Variants in IL11RA observed in about 807,000 individuals in gnomAD.
The protein encoded by IL11RA is interleukin 11 receptor subunit alpha.
In IL11RA, 51 loss-of-function variants were observed where a neutral mutation model predicts 57.0. That is an observed-to-expected ratio of 0.89 (90% CI 0.71 to 1.13). IL11RA has a LOEUF of 1.13. IL11RA is among the 50% of genes most tolerant of loss of function. IL11RA has a pLI of 0.00. For synonymous variants in IL11RA, 199 were observed against 217.5 expected, an observed-to-expected ratio of 0.91 and a Z score of 0.75; for missense variants, 498 against 539.4, an observed-to-expected ratio of 0.92 and a Z score of 0.76.
chr9:34,654,988 T>G (rs1821314625), intron 1 of IL11RA: 1 of 504,822 alleles, frequency 2.0e-6, no homozygotes, highest in Non-Finnish European at 3.6e-6. Flanking sequence ...AGGGGGTGTG[T>G]GTGTCCGTGT....
rs1385735286 is a variant in IL11RA, at chr9:34,658,549, G to C, written c.676G>C (p.Val226Leu). 1.2e-6 allele frequency: 2 copies of C among 1,614,158 alleles called. No individual in the cohort carries two copies. Among genetic ancestry groups the C allele is most frequent in the African/African-American group, 1.3e-5 (1 of 75,036 alleles). ...CCCTGACCCACCCCAGGGCCTGCGG[G>C]TAGAGTCAGTACCAGGTTACCCCCG... ...LRPDPPQGLR[V>L]ESVPGYPRRL... The change falls in exon 8 of 13, where the codon GTA becomes CTA. Residue 226 changes from valine to leucine, a missense_variant. Transcript: ENST00000441545. The surrounding 1 kb of genome is among the most constrained non-coding windows in gnomAD (Gnocchi z 4.0).
chr9:34,660,507 A>T lies in IL11RA; in HGVS notation c.1076A>T (p.His359Leu). 6.2e-7 allele frequency: 1 copy of T among 1,614,054 alleles called. No individual in the cohort carries two copies. The highest frequency in any genetic ancestry group is 1.3e-5 in the African/African-American group (1 of 75,054). ...GACATGTGGCCCTCCCCCTCAGATC[A>T]CAGGGACTCTGTGGAGCAGGTAGCT... ...SLQPHPRLLD[H>L]RDSVEQVAVL... Residue 359 changes from histidine (H) to leucine (L), a missense_variant, in exon 11 of 13, where the codon CAC (histidine) becomes CTC (leucine). Transcript: ENST00000441545.
intron 3 of IL11RA, 76 bp downstream of exon 3, chr9:34,655,741 CT>C: frequency 8.1e-7 from 1 of 1,236,362 alleles, no homozygotes; most frequent in Non-Finnish European, 1.2e-6. Flanking sequence ...TGTCCCGCCC[CT>C]CCCATCCTTG....
chr9:34,655,714 ACT>A, intron 3 of IL11RA, 49 bp downstream of exon 3: 1 of 1,543,178 alleles, frequency 6.5e-7, no homozygotes, highest in Non-Finnish European at 9.0e-7. Context: ...CCCTTTCTTG[ACT>A]CTGCCTAGTC....
intron 1 of IL11RA, chr9:34,654,984 TGTGTGTGTCC>T: frequency 4.1e-6 from 2 of 489,504 alleles, no homozygotes; most frequent in South Asian, 2.1e-5. Flanking sequence ...TGTGAGGGGG[TGTGTGTGTCC>T]GTGTGTGTGT....
chr9:34,657,140 C>T lies in IL11RA; in HGVS notation c.437C>T (p.Thr146Ile). The change falls in exon 5 of 13, where the codon ACC becomes ATC. Residue 146 changes from threonine to isoleucine, a missense_variant. Physicochemically the swap from Thr to Ile is moderately conservative, Grantham distance 89 (BLOSUM62 -1). Coordinates refer to ENST00000441545, the MANE Select transcript of IL11RA (RefSeq NM_001142784.3). The part of the protein sequence containing the change: ...QISGLPTRYL[T>I]SYRKKTVLGA... Reference sequence around the variant, plus strand: ...AGCGGTTTACCCACCCGCTACCTCACCTCCTACAGGTGTGTGTGTGATTGG... The same window carrying T: ...AGCGGTTTACCCACCCGCTACCTCATCTCCTACAGGTGTGTGTGTGATTGG... 4.3e-6 allele frequency: 7 copies of T among 1,613,636 alleles called. 1 individual carries two copies. The South Asian group carries it at 5.5e-5, about 13-fold the overall frequency.
Position 34,658,783 on chromosome 9 carries a change from G to A in IL11RA, c.810+100G>A. On this transcript the variant is annotated intron_variant, in intron 8 of 12. Coordinates refer to ENST00000441545, the MANE Select transcript of IL11RA (RefSeq NM_001142784.3). This position sits in a 1 kb window ranked among gnomAD's most constrained non-coding sequence, Gnocchi z 4.0. Reference sequence around the variant, plus strand: ...AGCTTTCCAGTGCTGGCAGGTCACTGAAGACCCAACACTTCCCTGTGGGCC... The same window carrying A: ...AGCTTTCCAGTGCTGGCAGGTCACTAAAGACCCAACACTTCCCTGTGGGCC... 1.5e-6 allele frequency: 2 copies of A among 1,367,092 alleles called. No homozygotes were observed. The highest frequency in any genetic ancestry group is 4.6e-5 in the East Asian group (2 of 43,088). The allele number at this position is 1,367,092 out of a possible 1,614,324, so 84.7% of individuals were successfully genotyped here.
intron 2 of IL11RA, 55 bp downstream of exon 2, chr9:34,655,372 T>C: frequency 9.0e-7 from 1 of 1,106,522 alleles, no homozygotes; most frequent in Non-Finnish European, 1.4e-6. Flanking sequence ...CTTGCCACCC[T>C]CACTGTGGCC....
chr9:34,660,134 TC>T, intron 9 of IL11RA, 139 bp from the exon 10 acceptor site: 1 of 1,343,036 alleles, frequency 7.4e-7, no homozygotes. Flanking sequence ...CTTGCCATGC[TC>T]CCTAGGAGCT....
At chr9:34,655,014 T>TGTGC in intron 1 of IL11RA, 1 of 573,076 alleles carries the variant, frequency 1.7e-6, no homozygotes, top group Non-Finnish European at 3.2e-6. Context: ...TGTGTGTGTG[T>TGTGC]GTGCGCGCGC....
intron 1 of IL11RA, among the ~76,000 whole-genome samples, chr9:34,654,443 C>CT (rs1821303284): frequency 6.6e-6 from 1 of 151,804 alleles, no homozygotes; most frequent in Non-Finnish European, 1.5e-5. Context: ...TCCCTCCCCT[C>CT]CCCTCCCCGC....
chr9:34,660,640 C>T, intron 11 of IL11RA, 40 bp downstream of exon 11: 1 of 1,519,370 alleles, frequency 6.6e-7, no homozygotes, highest in Non-Finnish European at 9.1e-7. Flanking sequence ...CTGATCCTCA[C>T]ACATGCTCTG....
intron 8 of IL11RA, 53 bp from the exon 9 acceptor site, chr9:34,659,706 G>A (rs947077429): frequency 6.2e-7 from 1 of 1,610,030 alleles, no homozygotes; most frequent in Admixed American, 1.7e-5. Context: ...GATGGTGGCT[G>A]GGAAGGCCCT....
rs189470648 is a variant in IL11RA, at chr9:34,660,515, TCTGTGGAGCAGGTAG to T, written c.1090_1104del (p.Glu364_Val368del). The T allele has an allele frequency of 1.7e-5, 28 of 1,614,078 alleles. No individual in the cohort carries two copies. The highest frequency in any genetic ancestry group is 2.3e-5 in the Non-Finnish European group (27 of 1,180,022). On this transcript the variant is annotated inframe_deletion, in exon 11 of 13. Coordinates refer to ENST00000441545, the MANE Select transcript of IL11RA (RefSeq NM_001142784.3). ...GCCCTCCCCCTCAGATCACAGGGAC[TCTGTGGAGCAGGTAG>T]CTGTGCTGGCGTCTTTGGGAATCCT...
intron 11 of IL11RA, 59 bp downstream of exon 11, chr9:34,660,659 A>G (rs1821438841): frequency 7.0e-7 from 1 of 1,431,968 alleles, no homozygotes; most frequent in Non-Finnish European, 9.9e-7. Flanking sequence ...TGATGCCCAT[A>G]GACCACATTC....
intron 3 of IL11RA, chr9:34,656,046 T>TC (rs1821337636): frequency 3.1e-6 from 1 of 318,006 alleles, no homozygotes; most frequent in Non-Finnish European, 6.2e-6. Context: ...TTTTTTTTTT[T>TC]TTTTTCCGAG....
Position 34,656,919 on chromosome 9 carries a change from G to A in IL11RA, c.331+11G>A. On this transcript the variant is annotated intron_variant, in intron 4 of 12. Coordinates refer to ENST00000441545, the MANE Select transcript of IL11RA (RefSeq NM_001142784.3). ...CCCTGCAGCTGGGCTGTGAGTTGGGGAGGGTGGCACTGATGACACATAGGG... is the reference window on the plus strand; with the variant it reads ...CCCTGCAGCTGGGCTGTGAGTTGGGAAGGGTGGCACTGATGACACATAGGG... 1 of 1,614,064 alleles carries A rather than the reference G, an allele frequency of 6.2e-7. No individual in the cohort carries two copies.
chr9:34,656,828 C>T lies in IL11RA; in HGVS notation c.251C>T (p.Ala84Val), dbSNP rs1317460804. The T allele has an allele frequency of 6.2e-7, 1 of 1,614,164 alleles. No individual in the cohort carries two copies. Among genetic ancestry groups the T allele is most frequent in the Admixed American group, 1.7e-5 (1 of 60,024 alleles). ...GLGHELVLAQ[A>V]DSTDEGTYIC... Reference sequence around the variant, plus strand: ...GGGCATGAACTGGTCCTGGCCCAGGCAGACAGCACTGATGAGGGCACCTAC... The same window carrying T: ...GGGCATGAACTGGTCCTGGCCCAGGTAGACAGCACTGATGAGGGCACCTAC... The change falls in exon 4 of 13, where the codon GCA (alanine) becomes GTA (valine). Residue 84 changes from alanine to valine, a missense_variant. Coordinates refer to ENST00000441545, the MANE Select transcript of IL11RA (RefSeq NM_001142784.3).
At chr9:34,661,240 CT>C (rs960907889) in intron 12 of IL11RA, among the ~76,000 whole-genome samples, 5 of 151,542 alleles carry the variant, frequency 3.3e-5, no homozygotes, top group South Asian at 2.1e-4. Context: ...GATATTCATC[CT>C]TTTTTTTCAA....
Sources: gnomAD v4.1 joint callset for allele counts (sites outside exome capture counted in the v4.1 genomes callset) on GRCh38, gnomAD v4.1.1 for gene constraint, Gnocchi (gnomAD v3.1) non-coding constraint, MANE v1.5 for transcripts, NCBI Gene and HGNC (gene_info 2026-07-23, HGNC 2026-07-21) for gene names.